Variants in EFL1 observed in about 807,000 individuals in gnomAD.
The protein encoded by EFL1 is elongation factor like GTPase 1, also known as elongation factor-like GTPase 1.
In EFL1, 76 loss-of-function variants were observed where a neutral mutation model predicts 126.7. The ratio of observed to expected loss-of-function variants is 0.60; its 90% CI spans 0.50 to 0.73. EFL1 has a LOEUF of 0.73. Among genes scored for constraint, EFL1 ranks in the 30% least tolerant of loss-of-function variants. The pLI is 0.00. For synonymous variants in EFL1, 410 were observed against 448.4 expected, an observed-to-expected ratio of 0.91 and a Z score of 1.08; for missense variants, 1,128 against 1,343.2, an observed-to-expected ratio of 0.84 and a Z score of 2.50.
intron 11 of EFL1, among the ~76,000 whole-genome samples, chr15:82,225,601 T>C (rs975382127): frequency 6.6e-6 from 1 of 152,210 alleles, no homozygotes; most frequent in African/African-American, 2.4e-5. Context: ...GTATCAAGTA[T>C]AGAAAATAGA....
At chr15:82,202,156 CAG>C (rs2074475305) in intron 15 of EFL1, among the ~76,000 whole-genome samples, 1 of 152,172 alleles carries the variant, frequency 6.6e-6, no homozygotes, top group South Asian at 2.1e-4. Flanking sequence ...GAGGGAAAGT[CAG>C]AGTTTCAGCA....
intron 15 of EFL1, among the ~76,000 whole-genome samples, chr15:82,207,594 T>G (rs374025729): frequency 6.6e-6 from 1 of 152,164 alleles, no homozygotes; most frequent in African/African-American, 2.4e-5. Context: ...TGTTGTGTTT[T>G]CTTACCACAA....
chr15:82,182,824 C>CA (rs60825600), intron 15 of EFL1, among the ~76,000 whole-genome samples: 297 of 136,278 alleles, frequency 2.2e-3, no homozygotes, highest in African/African-American at 5.7e-3. Context: ...GACTCCGTCT[C>CA]AAAAAAAAAA....
intron 7 of EFL1, among the ~76,000 whole-genome samples, chr15:82,231,864 T>C (rs2141317163): frequency 6.6e-6 from 1 of 152,306 alleles, no homozygotes; most frequent in Non-Finnish European, 1.5e-5. Context: ...AGAGTTCCTA[T>C]GCCTCAAAAA....
chr15:82,207,751 G>A (rs2074541287), intron 15 of EFL1, among the ~76,000 whole-genome samples: 3 of 140,812 alleles, frequency 2.1e-5, no homozygotes, highest in Admixed American at 7.2e-5. Context: ...AAGGAGTTTC[G>A]CTCTTGTCAC....
At chr15:82,184,661 A>C (rs1488761860) in intron 15 of EFL1, among the ~76,000 whole-genome samples, 1 of 152,226 alleles carries the variant, frequency 6.6e-6, no homozygotes, top group Non-Finnish European at 1.5e-5. Context: ...TTGCCCTACT[A>C]AATGGTTTTC....
chr15:82,226,757 A>C (rs192173380), intron 11 of EFL1, among the ~76,000 whole-genome samples: 87 of 152,356 alleles, frequency 5.7e-4, no homozygotes, highest in African/African-American at 2.1e-3. Flanking sequence ...TACAATTATC[A>C]AAAGAGGGAC....
At chr15:82,221,208 T>C (rs2074708659) in intron 12 of EFL1, among the ~76,000 whole-genome samples, 1 of 152,200 alleles carries the variant, frequency 6.6e-6, no homozygotes, top group African/African-American at 2.4e-5. Context: ...CTCTCCCGTG[T>C]TGTCCATCAC....
chr15:82,257,733 T>C (rs2075078394), intron 3 of EFL1, among the ~76,000 whole-genome samples: 1 of 152,328 alleles, frequency 6.6e-6, no homozygotes, highest in Non-Finnish European at 1.5e-5. Context: ...TGAACCAATA[T>C]TGATGCATTA....
At chr15:82,157,973 C>CA in intron 16 of EFL1, 113 bp from the exon 17 acceptor site, 2 of 1,200,004 alleles carry the variant, frequency 1.7e-6, no homozygotes, top group Non-Finnish European at 2.3e-6. Flanking sequence ...CTTAAAACAA[C>CA]AATTTATTTT....
intron 4 of EFL1, among the ~76,000 whole-genome samples, chr15:82,250,160 C>A (rs2075008458): frequency 1.4e-5 from 2 of 142,900 alleles, no homozygotes; most frequent in South Asian, 2.4e-4. Context: ...CAGGAAATAC[C>A]CCATTCTGGA....
At chr15:82,194,618 G>A (rs1226161606) in intron 15 of EFL1, among the ~76,000 whole-genome samples, 1 of 152,184 alleles carries the variant, frequency 6.6e-6, no homozygotes, top group Non-Finnish European at 1.5e-5. Context: ...TAATAAGGGT[G>A]ACCACATAGA....
rs757110269 is a variant in EFL1, at chr15:82,151,867, G to A, written c.2587C>T (p.Arg863Ter). 4 of 1,614,042 alleles carry A rather than the reference G, an allele frequency of 2.5e-6. No homozygotes were observed. Among genetic ancestry groups the A allele is most frequent in the Admixed American group, 1.7e-5 (1 of 60,016 alleles). The change falls in exon 18 of 20, where the codon CGA becomes TGA. Residue 863 changes from arginine to a stop codon, truncating the protein, a stop_gained. Coordinates refer to ENST00000268206, the MANE Select transcript of EFL1 (RefSeq NM_024580.6). LOFTEE classifies it high-confidence loss of function. ...CTCACAATGCTATTGCCCAAATCTC[G>A]GTATCTACTGGCTTCTTTTGAAGCT... ...DKASKEASRYRDLGNSIVSGF... is the reference protein window; with the variant it reads ...DKASKEASRY
intron 3 of EFL1, among the ~76,000 whole-genome samples, chr15:82,253,185 A>T (rs2075038893): frequency 6.6e-6 from 1 of 152,100 alleles, no homozygotes; most frequent in South Asian, 2.1e-4. Context: ...GATTACAGGC[A>T]TGTGCTAACA....
Position 82,261,810 on chromosome 15 carries a change from T to C in EFL1, c.-19-13A>G, listed in dbSNP as rs528186412. On this transcript the variant is annotated splice_polypyrimidine_tract_variant and intron_variant, in intron 1 of 19. Transcript: ENST00000268206. ...TTATTTCCTGTGACTAAAAATTAAA[T>C]ATGTATTACAAATGGCCCAGAGGCT... 1.0e-5 allele frequency: 16 copies of C among 1,599,674 alleles called. No individual in the cohort carries two copies. In the East Asian group the frequency reaches 1.8e-4, roughly 18 times the overall value.
intron 15 of EFL1, among the ~76,000 whole-genome samples, chr15:82,211,547 T>TACACACACACACACACAC (rs1214996508): frequency 1.4e-5 from 1 of 70,778 alleles, no homozygotes; most frequent in African/African-American, 7.1e-5. Flanking sequence ...AAAAAATCTA[T>TACACACACACACACACAC]ATACACACAC....
chr15:82,153,309 C>A (rs1246560589), intron 17 of EFL1, among the ~76,000 whole-genome samples: 1 of 151,822 alleles, frequency 6.6e-6, no homozygotes, highest in Non-Finnish European at 1.5e-5. Context: ...CAAGATGGAC[C>A]CGACATTGTA....
rs1302246736 is a variant in EFL1 at position 82,227,575 on chromosome 15, G to A, written c.1070-3C>T. 6 of 1,613,984 alleles carry A rather than the reference G, an allele frequency of 3.7e-6. No homozygotes were observed. Among genetic ancestry groups the A allele is most frequent in the African/African-American group, 1.3e-5 (1 of 74,924 alleles). On this transcript the variant is annotated splice_polypyrimidine_tract_variant and splice_region_variant and intron_variant, in intron 10 of 19. Coordinates refer to ENST00000268206, the MANE Select transcript of EFL1 (RefSeq NM_024580.6). Reference sequence around the variant, plus strand: ...AGGAAGTTTCTGACACACCATAGCTGAAGTCTATTGTTAAGGACTGAAAAC... The same window carrying A: ...AGGAAGTTTCTGACACACCATAGCTAAAGTCTATTGTTAAGGACTGAAAAC...
chr15:82,224,010 C>T (rs1467555604), intron 12 of EFL1, among the ~76,000 whole-genome samples: 1 of 152,132 alleles, frequency 6.6e-6, no homozygotes, highest in Non-Finnish European at 1.5e-5. Context: ...GAAGGACAAA[C>T]AGAATTTTAT....
Sources: allele counts gnomAD v4.1 joint callset (sites outside exome capture counted in the v4.1 genomes callset), GRCh38; gene constraint gnomAD v4.1.1; transcripts MANE v1.5; gene names NCBI Gene and HGNC (gene_info 2026-07-23, HGNC 2026-07-21).